Variants in KNDC1 observed in about 807,000 individuals in gnomAD.
The protein encoded by KNDC1 is kinase non-catalytic C-lobe domain-containing protein 1.
A neutral mutation model predicts 172.8 loss-of-function variants in KNDC1; 106 were observed. The ratio of observed to expected loss-of-function variants is 0.61; its 90% CI spans 0.52 to 0.72. The LOEUF (loss-of-function observed/expected upper bound fraction) is 0.72. Among genes scored for constraint, KNDC1 ranks in the 30% least tolerant of loss-of-function variants. The pLI is 0.00. For missense variants in KNDC1, 2,325 were observed against 2,394.5 expected (o/e 0.97, Z 0.61); for synonymous variants, 1,083 against 1,062.2 (o/e 1.02, Z -0.38).
At position 133,218,872 on chromosome 10, in the gene KNDC1, A is replaced by G. The variant is rs3008370; in HGVS notation, c.4719A>G (p.Lys1573=). 186,611 of 1,613,466 alleles carry G rather than the reference A, an allele frequency of 0.12. 11,805 individuals are homozygous for G. Among genetic ancestry groups the G allele is most frequent in the Admixed American group, 0.19 (11,133 of 60,014 alleles). ...NLLSKFLLIA[K]SCYEQRNFAT... The stretch of plus-strand genomic sequence containing the variant: ...TGTCCAAATTTTTGCTGATTGCAAA[A>G]TCTTGCTATGAGCAGAGAAACTTCG... Residue 1573 remains lysine, a synonymous_variant, in exon 27 of 30, where the codon AAA becomes AAG. Transcript: ENST00000304613.
At position 133,224,339 on chromosome 10, in the gene KNDC1, C is replaced by T. The variant is rs1487851414; in HGVS notation, c.5019-320C>T. The stretch of plus-strand genomic sequence containing the variant: ...CGGCAGCAGAGAGTCCCTTGCCTGC[C>T]TCGTCCTCTCAGCTGCAGCCCCTGC... On this transcript the variant is annotated intron_variant, in intron 29 of 29. Transcript: ENST00000304613. The surrounding 1 kb of genome is among the most constrained non-coding windows in gnomAD (Gnocchi z 5.4). Among the ~76,000 whole-genome samples the T allele has an allele frequency of 6.6e-6, 1 of 152,214 alleles. No homozygotes were observed. The highest frequency in any genetic ancestry group is 1.5e-5 in the Non-Finnish European group (1 of 68,048).
chr10:133,199,859 C>G (rs1854312080), intron 15 of KNDC1, among the ~76,000 whole-genome samples: 1 of 152,158 alleles, frequency 6.6e-6, no homozygotes, highest in African/African-American at 2.4e-5. Flanking sequence ...GAATATGAGG[C>G]AGGGGCTCTC....
At chr10:133,222,488 C>T (rs1188406099) in intron 29 of KNDC1, among the ~76,000 whole-genome samples, 17 of 41,614 alleles carry the variant, frequency 4.1e-4, no homozygotes, top group African/African-American at 5.5e-4. Context: ...CATGCTCTTC[C>T]CGGTGTGTGT....
chr10:133,209,278 T>TGTGTG lies in KNDC1; in HGVS notation c.3795-1331_3795-1327dup, dbSNP rs58294045. On this transcript the variant is annotated intron_variant, in intron 20 of 29. Coordinates refer to ENST00000304613, the MANE Select transcript of KNDC1 (RefSeq NM_152643.8). This position sits in a 1 kb window ranked among gnomAD's most constrained non-coding sequence, Gnocchi z 4.9. ...GTGGTATGCGGTAGTGTGTGTGTGG[T>TGTGTG]GTGTGGAGTATAGTGTGTGTGGTGT... Among the ~76,000 whole-genome samples the TGTGTG allele has an allele frequency of 0.52, 77,735 of 148,914 alleles. 20,067 individuals carry two copies. Among genetic ancestry groups the TGTGTG allele is most frequent in the East Asian group, 0.62 (3,057 of 4,944 alleles).
At chr10:133,189,995 G>A (rs1209713046) in intron 9 of KNDC1, among the ~76,000 whole-genome samples, 182 bp downstream of exon 9, 1 of 152,224 alleles carries the variant, frequency 6.6e-6, no homozygotes, top group Admixed American at 6.5e-5. Context: ...ACCAAGACAG[G>A]GCTTGGTGTG....
intron 1 of KNDC1, among the ~76,000 whole-genome samples, chr10:133,164,478 G>A (rs1456373943): frequency 4.6e-5 from 7 of 152,196 alleles, no homozygotes; most frequent in East Asian, 1.9e-4. Context: ...AGACAGGTGC[G>A]CAGGAGGCGG....
At chr10:133,196,699 A>C (rs1303582968) in intron 10 of KNDC1, among the ~76,000 whole-genome samples, 1 of 152,174 alleles carries the variant, frequency 6.6e-6, no homozygotes, top group Non-Finnish European at 1.5e-5. Context: ...TCCCATGTGC[A>C]CAAGGCCTGA....
chr10:133,202,145 G>A (rs1362213152), intron 17 of KNDC1: 5 of 700,596 alleles, frequency 7.1e-6, no homozygotes, highest in Non-Finnish European at 1.0e-5. Flanking sequence ...GGACAGGGAA[G>A]GGCTTTTCTC....
chr10:133,198,891 G>T lies in KNDC1; in HGVS notation c.2383G>T (p.Glu795Ter). The T allele has an allele frequency of 6.3e-7, 1 of 1,592,258 alleles. No individual in the cohort carries two copies. ...PPTKASALPV[E>*]QGPAEPIPPG... ...CACGAAGGCATCTGCGCTGCCCGTA[G>T]AGCAAGGGCCGGCTGAGCCGATCCC... Residue 795 changes from glutamate to a stop codon, truncating the protein, a stop_gained, in exon 14 of 30, where the codon GAG (glutamate) becomes TAG (stop). Coordinates refer to ENST00000304613, the MANE Select transcript of KNDC1 (RefSeq NM_152643.8). LOFTEE classifies it high-confidence loss of function.
chr10:133,203,789 C>T (rs952988988), intron 17 of KNDC1, among the ~76,000 whole-genome samples: 1 of 152,218 alleles, frequency 6.6e-6, no homozygotes, highest in African/African-American at 2.4e-5. Flanking sequence ...TTTTAGTTAC[C>T]GTGGATTTAT....
intron 3 of KNDC1, among the ~76,000 whole-genome samples, chr10:133,181,095 G>A (rs910598320): frequency 3.3e-5 from 5 of 151,980 alleles, no homozygotes; most frequent in East Asian, 1.9e-4. Context: ...ACCCACTGAC[G>A]TCACACGCGG....
At chr10:133,211,953 A>G in intron 23 of KNDC1, 95 bp downstream of exon 23, 2 of 1,252,840 alleles carry the variant, frequency 1.6e-6, no homozygotes, top group South Asian at 2.8e-5. Flanking sequence ...GCACACACAT[A>G]CACACAAGTG....
intron 1 of KNDC1, among the ~76,000 whole-genome samples, chr10:133,161,324 C>T (rs1313798083): frequency 6.6e-6 from 1 of 152,210 alleles, no homozygotes; most frequent in Non-Finnish European, 1.5e-5. Flanking sequence ...TGCCAAACCT[C>T]CAACAGGCAA....
At position 133,163,956 on chromosome 10, in the gene KNDC1, C is replaced by G. The variant is rs866935827; in HGVS notation, c.102+3387C>G. Among the ~76,000 whole-genome samples, 3 of 86,014 alleles carry G rather than the reference C, an allele frequency of 3.5e-5. No individual in the cohort carries two copies. Among genetic ancestry groups the G allele is most frequent in the Admixed American group, 1.2e-4 (1 of 8,242 alleles). The allele number at this position is 86,014 out of a possible 152,430, so 56.4% of individuals were successfully genotyped here. ...TGCCTTCCCAAATCCCTCCTCCCAC[C>G]TGGGATGGGGGTGGAGTTCGTGGCC... On this transcript the variant is annotated intron_variant, in intron 1 of 29. Coordinates refer to ENST00000304613, the MANE Select transcript of KNDC1 (RefSeq NM_152643.8). The surrounding 1 kb of genome is among the most constrained non-coding windows in gnomAD (Gnocchi z 4.4).
chr10:133,185,354 TA>T (rs1853862711), intron 5 of KNDC1, among the ~76,000 whole-genome samples: 1 of 101,598 alleles, frequency 9.8e-6, no homozygotes. Context: ...CAGTGTGGAG[TA>T]GGCAGTGTGT....
chr10:133,167,157 G>C (rs1355352953), intron 1 of KNDC1: 1 of 579,892 alleles, frequency 1.7e-6, no homozygotes, highest in Non-Finnish European at 3.1e-6. Flanking sequence ...ACCTGCTCTG[G>C]GCAGCACGCC....
At chr10:133,166,737 G>A (rs765105459) in intron 1 of KNDC1, among the ~76,000 whole-genome samples, 1 of 145,766 alleles carries the variant, frequency 6.9e-6, no homozygotes, top group Non-Finnish European at 1.5e-5. Flanking sequence ...GGGTATGTTT[G>A]TGCATGTGCA....
At chr10:133,166,481 A>T (rs1853159539) in intron 1 of KNDC1, among the ~76,000 whole-genome samples, 1 of 151,956 alleles carries the variant, frequency 6.6e-6, no homozygotes, top group Non-Finnish European at 1.5e-5. Context: ...GCATATGGTC[A>T]GTGTTAGGCA....
At chr10:133,210,834 A>C in intron 21 of KNDC1, 110 bp downstream of exon 21, 1 of 921,712 alleles carries the variant, frequency 1.1e-6, no homozygotes. Flanking sequence ...CTGGCGACCC[A>C]AGGGGGTGAG....
Sources: allele counts gnomAD v4.1 joint callset (sites outside exome capture counted in the v4.1 genomes callset), GRCh38; gene constraint gnomAD v4.1.1; non-coding constraint Gnocchi (gnomAD v3.1); transcripts MANE v1.5; gene names NCBI Gene and HGNC (gene_info 2026-07-23, HGNC 2026-07-21).